RMDN2: variants seen among roughly 807,000 people sequenced by gnomAD.
The protein encoded by RMDN2 is regulator of microtubule dynamics protein 2.
RMDN2 carries 61 observed loss-of-function variants against 52.8 expected under a neutral mutation model. The observed-to-expected ratio is 1.16, with a 90% CI of 0.94 to 1.43. RMDN2 has a LOEUF of 1.43. Among genes scored for constraint, RMDN2 ranks in the 40% most tolerant of loss-of-function variants. RMDN2 has a pLI of 0.00. For missense variants in RMDN2, 592 were observed against 475.3 expected (o/e 1.25, Z -2.28); for synonymous variants, 180 against 153.1 (o/e 1.18, Z -1.30).
intron 4 of RMDN2, among the ~76,000 whole-genome samples, chr2:37,979,279 A>G (rs970285145): frequency 1.3e-5 from 2 of 152,206 alleles, no homozygotes; most frequent in Non-Finnish European, 1.5e-5. Context: ...TGAAGGCTGC[A>G]CAACACTACG....
At chr2:38,064,777 TA>T (rs58736308) in intron 10 of RMDN2, among the ~76,000 whole-genome samples, 227 of 147,854 alleles carry the variant, frequency 1.5e-3, no homozygotes, top group East Asian at 3.0e-3. Flanking sequence ...TTTTCCTCGT[TA>T]AAAAAAAAAA....
intron 10 of RMDN2, among the ~76,000 whole-genome samples, chr2:38,041,427 G>GTTTTTTTTTTTTTTTTTTTTGTTT (rs3057329): frequency 8.3e-6 from 1 of 120,092 alleles, no homozygotes; most frequent in Admixed American, 9.8e-5. Flanking sequence ...TTTTTTATTG[G>GTTTTTTTTTTTTTTTTTTTTGTTT]TTTTTTTTTT....
At chr2:38,003,560 A>T (rs1327707567) in intron 8 of RMDN2, among the ~76,000 whole-genome samples, 1 of 149,318 alleles carries the variant, frequency 6.7e-6, no homozygotes. Flanking sequence ...AGATAGATAG[A>T]TAGATAGATA....
At chr2:37,938,888 T>C (rs1359210008) in intron 2 of RMDN2, among the ~76,000 whole-genome samples, 2 of 152,186 alleles carry the variant, frequency 1.3e-5, no homozygotes, top group Non-Finnish European at 2.9e-5. Context: ...TTTTGATCTC[T>C]ATCTCCTTCA....
chr2:38,066,378 T>G (rs943839390), intron 10 of RMDN2, among the ~76,000 whole-genome samples: 1 of 152,228 alleles, frequency 6.6e-6, no homozygotes, highest in East Asian at 1.9e-4. Context: ...TAAACTAGAT[T>G]ATTTTCCTCC....
intron 2 of RMDN2, among the ~76,000 whole-genome samples, chr2:37,963,532 C>T (rs1237247462): frequency 6.6e-6 from 1 of 152,090 alleles, no homozygotes. Flanking sequence ...AATGAGCATG[C>T]TGCCTTCAAG....
intron 10 of RMDN2, among the ~76,000 whole-genome samples, chr2:38,058,023 A>G (rs1167121585): frequency 6.6e-6 from 1 of 152,278 alleles, no homozygotes; most frequent in East Asian, 1.9e-4. Flanking sequence ...CATTGAGGCT[A>G]TCTGAACAGT....
intron 4 of RMDN2, among the ~76,000 whole-genome samples, chr2:37,976,830 A>AT (rs1195612943): frequency 6.6e-6 from 1 of 151,022 alleles, no homozygotes; most frequent in African/African-American, 2.4e-5. Context: ...TATTAAATAC[A>AT]TTTTTTTCTT....
intron 10 of RMDN2, among the ~76,000 whole-genome samples, chr2:38,060,514 T>A (rs1682005244): frequency 6.6e-6 from 1 of 151,760 alleles, no homozygotes. Context: ...AGAATAAGAG[T>A]CTCAAATTTA....
Position 38,026,820 on chromosome 2 carries a change from A to G in RMDN2, c.1713+22604A>G, listed in dbSNP as rs114691527. On this transcript the variant is annotated intron_variant, in intron 10 of 10. Coordinates refer to the RMDN2 transcript ENST00000234195. ...CTAAGTACCACTTTAGCAGTATCCTACAAATTTTAATATGTTATATTTTCA... is the reference window on the plus strand; with the variant it reads ...CTAAGTACCACTTTAGCAGTATCCTGCAAATTTTAATATGTTATATTTTCA... Among the ~76,000 whole-genome samples, 1,105 of 152,308 alleles carry G rather than the reference A, an allele frequency of 7.3e-3. 15 individuals carry two copies. Among genetic ancestry groups the G allele is most frequent in the African/African-American group, 0.025 (1,032 of 41,574 alleles).
intron 10 of RMDN2, among the ~76,000 whole-genome samples, chr2:38,058,181 G>A (rs1344455485): frequency 2.0e-5 from 3 of 152,190 alleles, no homozygotes; most frequent in African/African-American, 7.2e-5. Flanking sequence ...TTTTCTACTG[G>A]AGATGTTGAC....
upstream of RMDN2, among the ~76,000 whole-genome samples, chr2:37,922,011 T>G (rs1329314326): frequency 6.6e-6 from 1 of 152,228 alleles, no homozygotes; most frequent in Non-Finnish European, 1.5e-5. Flanking sequence ...CCTGGGGGAC[T>G]TCTTCCTCTG....
chr2:37,947,076 T>C (rs1320481088), intron 2 of RMDN2, among the ~76,000 whole-genome samples: 2 of 152,124 alleles, frequency 1.3e-5, no homozygotes, highest in Non-Finnish European at 2.9e-5. Flanking sequence ...TTTTTGTAGA[T>C]TTAGAGGGTA....
chr2:37,983,728 T>C (rs1168270245), intron 5 of RMDN2, among the ~76,000 whole-genome samples: 1 of 152,176 alleles, frequency 6.6e-6, no homozygotes, highest in Non-Finnish European at 1.5e-5. Context: ...GATTTTATAA[T>C]TAATTATAAT....
At chr2:37,959,464 T>C (rs1367708282) in intron 2 of RMDN2, among the ~76,000 whole-genome samples, 1 of 151,100 alleles carries the variant, frequency 6.6e-6, no homozygotes, top group Non-Finnish European at 1.5e-5. Flanking sequence ...TACTCTCTGA[T>C]GGTAGTTTGT....
At chr2:37,957,588 G>A (rs1385499443) in intron 2 of RMDN2, among the ~76,000 whole-genome samples, 2 of 152,200 alleles carry the variant, frequency 1.3e-5, no homozygotes, top group South Asian at 2.1e-4. Context: ...CTGCCATTCT[G>A]TAGGTTGCCT....
chr2:38,052,013 C>T (rs1457679813), intron 10 of RMDN2, among the ~76,000 whole-genome samples: 3 of 152,156 alleles, frequency 2.0e-5, no homozygotes, highest in African/African-American at 7.2e-5. Context: ...TGCTGAGTTC[C>T]TATCATTTGG....
intron 8 of RMDN2, among the ~76,000 whole-genome samples, chr2:38,001,220 C>G (rs920679688): frequency 2.6e-5 from 4 of 152,204 alleles, no homozygotes; most frequent in Non-Finnish European, 5.9e-5. Context: ...AACATGGCAT[C>G]AAATACTGGG....
chr2:37,925,425 G>A lies in RMDN2; in HGVS notation c.-17G>A, dbSNP rs746636229. On this transcript the variant is annotated splice_region_variant and 5_prime_UTR_variant, in exon 1 of 11. Coordinates refer to ENST00000354545, the MANE Select transcript of RMDN2 (RefSeq NM_001170791.3). ...CTGAAAGGCCGGCGCAGTGAACACA[G>A]GTGCGTGCGCAGTCTGGGAGGGGGC... 1 of 152,460 alleles carries A rather than the reference G, an allele frequency of 6.6e-6. No individual in the cohort carries two copies. Among genetic ancestry groups the A allele is most frequent in the Non-Finnish European group, 1.5e-5 (1 of 68,246 alleles). 9.4% of individuals were successfully genotyped at this position (152,460 alleles called of 1,614,324 possible). A position where few individuals can be genotyped will look rare whatever the true frequency, so the allele number is the denominator to read the frequency against.
Sources: gnomAD v4.1 joint callset for allele counts (sites outside exome capture counted in the v4.1 genomes callset) on GRCh38, gnomAD v4.1.1 for gene constraint, MANE v1.5 for transcripts, NCBI Gene and HGNC (gene_info 2026-07-23, HGNC 2026-07-21) for gene names.